The following C1orf167 variants were observed in gnomAD, a reference collection of about 807,000 sequenced individuals.
C1orf167 encodes the protein chromosome 1 open reading frame 167, also known as uncharacterized protein C1orf167.
Under a neutral mutation model 176.5 loss-of-function variants are expected in C1orf167, and 153 were observed. The observed-to-expected ratio is 0.87, with a 90% CI of 0.76 to 0.99. C1orf167 has a LOEUF of 0.99. Ranked by LOEUF, C1orf167 falls within the 50% of genes least tolerant of loss-of-function variation. The pLI is 0.00. For missense variants in C1orf167, 1,490 were observed against 1,817.7 expected, an observed-to-expected ratio of 0.82 and a Z score of 3.28; for synonymous variants, 594 against 752.7, an observed-to-expected ratio of 0.79 and a Z score of 3.45.
At chr1:11,772,395 G>T (rs1055523619) in intron 8 of C1orf167, 136 bp downstream of exon 8, 179 of 765,996 alleles carry the variant, frequency 2.3e-4, no homozygotes, top group Non-Finnish European at 2.9e-4. Context: ...CTCTCGAGTA[G>T]CTGGGACCAT....
intron 15 of C1orf167, 135 bp downstream of exon 15, chr1:11,784,728 G>C (rs2100410096): frequency 9.9e-7 from 1 of 1,012,770 alleles, no homozygotes; most frequent in African/African-American, 1.7e-5. Context: ...GGGGGTGACA[G>C]GGAGAGGCCG....
chr1:11,767,761 G>C (rs1053180644), intron 4 of C1orf167, among the ~76,000 whole-genome samples: 7 of 152,108 alleles, frequency 4.6e-5, no homozygotes, highest in Non-Finnish European at 1.0e-4. Context: ...AGGAGGTCGA[G>C]GCTGCAGTGA....
chr1:11,779,818 A>T lies in C1orf167; in HGVS notation c.2668A>T (p.Ser890Cys), dbSNP rs1354007857. 7.7e-7 allele frequency: 1 copy of T among 1,301,902 alleles called. No individual in the cohort carries two copies. Among genetic ancestry groups the T allele is most frequent in the Non-Finnish European group, 1.0e-6 (1 of 988,050 alleles). 80.6% of individuals were successfully genotyped at this position (1,301,902 alleles called of 1,614,324 possible). ...CTTTCCCAGCATCTTCCTCAGCTGG[A>T]GCCGCTGGGCAACAGCCCAATGGGC... ...TRQRRIFLSW[S>C]RWATAQWAWR... is the part of the protein sequence containing the mutation. The change falls in exon 13 of 21, where the codon AGC (serine) becomes TGC (cysteine). Residue 890 changes from serine to cysteine, a missense_variant. By Grantham distance (112) the Ser-to-Cys change is moderately radical. Transcript: ENST00000688073.
chr1:11,785,040 G>T (rs1643782759), intron 15 of C1orf167, 108 bp from the exon 16 acceptor site: 12 of 1,034,776 alleles, frequency 1.2e-5, no homozygotes, highest in Non-Finnish European at 1.5e-5. Flanking sequence ...GTGGGCCCCA[G>T]CCTGGGGCTG....
chr1:11,765,322 A>T (rs1207187226), intron 2 of C1orf167, among the ~76,000 whole-genome samples: 1 of 151,920 alleles, frequency 6.6e-6, no homozygotes, highest in Non-Finnish European at 1.5e-5. Flanking sequence ...GTGCCTGTGG[A>T]GTGGGCTTGG....
At position 11,765,862 on chromosome 1, in the gene C1orf167, C is replaced by T. The variant is rs534364135; in HGVS notation, c.76C>T (p.Arg26Ter). ...ACTGTCTCTCCTCTCTTTAGAGCAACGAAGATTCCGGAGGAGCCTGGGCAT... is the reference window on the plus strand; with the variant it reads ...ACTGTCTCTCCTCTCTTTAGAGCAATGAAGATTCCGGAGGAGCCTGGGCAT... ...KPAALPKPEQRRFRRSLGIGL... is the reference protein window; with the variant it reads ...KPAALPKPEQ Residue 26 changes from arginine to a stop codon, truncating the protein, a stop_gained, in exon 3 of 21, where the codon CGA becomes TGA. Coordinates refer to ENST00000688073, the MANE Select transcript of C1orf167 (RefSeq NM_001010881.2). LOFTEE classifies it high-confidence loss of function. 51 of 1,193,032 alleles carry T rather than the reference C, an allele frequency of 4.3e-5. No individual in the cohort carries two copies. The highest frequency in any genetic ancestry group is 2.9e-4 in the East Asian group (5 of 17,140). 73.9% of individuals were successfully genotyped at this position (1,193,032 alleles called of 1,614,324 possible).
rs1465812937 is a variant in C1orf167, at chr1:11,766,421, T to C, written c.635T>C (p.Val212Ala). ...CTGGGGAGCTGGAGGTCCAGGCTGG[T>C]GGGGGAACCTCTCACCCTGGAGGAC... ...GGLGSWRSRL[V>A]GEPLTLEDLA... The change falls in exon 3 of 21, where the codon GTG becomes GCG. Residue 212 changes from valine to alanine, a missense_variant. Val to Ala is a moderately conservative substitution (Grantham distance 64, BLOSUM62 0). Transcript: ENST00000688073. This position sits in a 1 kb window ranked among gnomAD's most constrained non-coding sequence, Gnocchi z 4.5. 1 of 1,282,242 alleles carries C rather than the reference T, an allele frequency of 7.8e-7. No homozygotes were observed. The highest frequency in any genetic ancestry group is 1.0e-6 in the Non-Finnish European group (1 of 985,106). The allele number at this position is 1,282,242 out of a possible 1,614,324, so 79.4% of individuals were successfully genotyped here. A position where few individuals can be genotyped will look rare whatever the true frequency, so the allele number is the denominator to read the frequency against.
intron 14 of C1orf167, among the ~76,000 whole-genome samples, chr1:11,783,227 G>A (rs1256811644): frequency 6.6e-6 from 1 of 151,838 alleles, no homozygotes; most frequent in East Asian, 1.9e-4. Context: ...TTGCATCTGA[G>A]GGTGTAGATG....
intron 1 of C1orf167, among the ~76,000 whole-genome samples, 154 bp from the exon 2 acceptor site, chr1:11,764,177 G>C (rs945688888): frequency 6.6e-6 from 1 of 152,160 alleles, no homozygotes; most frequent in Non-Finnish European, 1.5e-5. Flanking sequence ...AGGGCAGGGA[G>C]AGGAGCCACT....
intron 17 of C1orf167, 54 bp downstream of exon 17, chr1:11,787,547 CG>C (rs1643915762): frequency 8.4e-7 from 1 of 1,188,100 alleles, no homozygotes; most frequent in Non-Finnish European, 1.1e-6. Flanking sequence ...AGGGGTGAAG[CG>C]GTCTCCAGTC....
In C1orf167 at chr1:11,776,515, T is replaced by C. The variant is rs529099126; in HGVS notation, c.2216T>C (p.Val739Ala). 1.5e-6 allele frequency: 2 copies of C among 1,299,832 alleles called. No homozygotes were observed. Among genetic ancestry groups the C allele is most frequent in the South Asian group, 2.5e-5 (2 of 80,724 alleles). The allele number at this position is 1,299,832 out of a possible 1,614,324, so 80.5% of individuals were successfully genotyped here. A position where few individuals can be genotyped will look rare whatever the true frequency, so the allele number is the denominator to read the frequency against. Residue 739 changes from valine (V) to alanine (A), a missense_variant, in exon 10 of 21, where the codon GTG becomes GCG. Val to Ala is a moderately conservative substitution (Grantham distance 64, BLOSUM62 0). Transcript: ENST00000688073. The stretch of plus-strand genomic sequence containing the variant: ...CCTGGAGCCTGTGGCCTGGGTGCAG[T>C]GGGCCAGGCCCAGGGGCAGCAGGAG... Reference protein sequence around the residue: ...AGPGACGLGAVGQAQGQQEQG... With the variant: ...AGPGACGLGAAGQAQGQQEQG...
rs536552468 is a variant in C1orf167, at chr1:11,779,484, G to A, written c.2652-318G>A. 2.7e-4 allele frequency: 60 copies of A among 224,876 alleles called. 1 individual carries two copies. The highest frequency in any genetic ancestry group is 1.7e-3 in the Middle Eastern group (1 of 600). 13.9% of individuals were successfully genotyped at this position (224,876 alleles called of 1,614,324 possible). ...CTCCAGTGGGGCAATGGCGAGGCACGGCACATACATTCCCCAATGCCGTGT... is the reference window on the plus strand; with the variant it reads ...CTCCAGTGGGGCAATGGCGAGGCACAGCACATACATTCCCCAATGCCGTGT... On this transcript the variant is annotated intron_variant, in intron 12 of 20. Transcript: ENST00000688073.
chr1:11,770,699 G>A (rs1463456746), intron 6 of C1orf167, among the ~76,000 whole-genome samples: 1 of 150,318 alleles, frequency 6.7e-6, no homozygotes, highest in Non-Finnish European at 1.5e-5. Context: ...TGGCCTCAAG[G>A]TATCTGCCTG....
At chr1:11,764,555 G>A (rs1446569887) in intron 2 of C1orf167, 85 bp downstream of exon 2, 8 of 1,175,840 alleles carry the variant, frequency 6.8e-6, no homozygotes, top group Non-Finnish European at 7.9e-6. Context: ...TCCCAGGCAG[G>A]CCAGCCTATA....
rs908840886 is a variant in C1orf167 at position 11,768,815 on chromosome 1, C to T, written c.1543-158C>T. Among the ~76,000 whole-genome samples the T allele has an allele frequency of 1.3e-5, 2 of 152,182 alleles. No homozygotes were observed. Among genetic ancestry groups the T allele is most frequent in the African/African-American group, 2.4e-5 (1 of 41,440 alleles). On this transcript the variant is annotated intron_variant, in intron 5 of 20. Transcript: ENST00000688073. The surrounding 1 kb of genome is among the most constrained non-coding windows in gnomAD (Gnocchi z 4.5). ...ATATTTGTTCATTCATTCATTCCTT[C>T]ATTCCCAAAGAAGGAATGAATAGGC...
At chr1:11,773,175 G>A (rs1643162394) in intron 8 of C1orf167, among the ~76,000 whole-genome samples, 2 of 151,802 alleles carry the variant, frequency 1.3e-5, no homozygotes, top group Admixed American at 1.3e-4. Context: ...TTACAGGCAT[G>A]AGCCACCGCA....
chr1:11,770,810 ATT>A (rs58293655), intron 6 of C1orf167, among the ~76,000 whole-genome samples: 115 of 140,500 alleles, frequency 8.2e-4, no homozygotes, highest in Admixed American at 1.1e-3. Flanking sequence ...ACAGTTGGGT[ATT>A]TTTTTTTTTT....
intron 14 of C1orf167, among the ~76,000 whole-genome samples, chr1:11,783,704 T>C (rs1643696902): frequency 6.6e-6 from 1 of 152,160 alleles, no homozygotes; most frequent in African/African-American, 2.4e-5. Flanking sequence ...GCCCCTGCCC[T>C]CTGAGGCTGA....
At chr1:11,785,125 G>A (rs1643791309) in intron 15 of C1orf167, 23 bp from the exon 16 acceptor site, 1 of 1,276,942 alleles carries the variant, frequency 7.8e-7, no homozygotes, top group Non-Finnish European at 1.0e-6. Context: ...GGCCCTGGCT[G>A]CAGACTCCTT....
Sources: gnomAD v4.1 joint callset for allele counts (sites outside exome capture counted in the v4.1 genomes callset) on GRCh38, gnomAD v4.1.1 for gene constraint, Gnocchi (gnomAD v3.1) non-coding constraint, MANE v1.5 for transcripts, NCBI Gene and HGNC (gene_info 2026-07-23, HGNC 2026-07-21) for gene names.